SRPK1: variants seen among roughly 807,000 people sequenced by gnomAD.
The protein encoded by SRPK1 is SRSF protein kinase 1.
Under a neutral mutation model 89.5 loss-of-function variants are expected in SRPK1, and 52 were observed. The observed-to-expected ratio is 0.58, with a 90% CI of 0.46 to 0.73. SRPK1 has a LOEUF of 0.73. Among genes scored for constraint, SRPK1 ranks in the 30% least tolerant of loss-of-function variants. The pLI, the probability that SRPK1 is intolerant of heterozygous loss-of-function variation, is 0.00. For missense variants in SRPK1, 603 were observed against 780.6 expected (o/e 0.77, Z 2.71); for synonymous variants, 255 against 270.2 (o/e 0.94, Z 0.55).
At chr6:35,906,814 C>A (rs1474381928) in intron 2 of SRPK1, among the ~76,000 whole-genome samples, 1 of 152,002 alleles carries the variant, frequency 6.6e-6, no homozygotes, top group East Asian at 1.9e-4. Context: ...TTTAATTATA[C>A]CTCCATAAAA....
At chr6:35,852,082 T>C (rs1184010302) in intron 13 of SRPK1, among the ~76,000 whole-genome samples, 1 of 152,212 alleles carries the variant, frequency 6.6e-6, no homozygotes, top group African/African-American at 2.4e-5. Context: ...AATTGTGTGC[T>C]ATTCAATGGG....
chr6:35,896,153 G>T (rs1346402458), intron 2 of SRPK1, among the ~76,000 whole-genome samples: 1 of 152,168 alleles, frequency 6.6e-6, no homozygotes, highest in Non-Finnish European at 1.5e-5. Context: ...AAAACAACCT[G>T]GGCTTGCAAC....
intron 13 of SRPK1, among the ~76,000 whole-genome samples, chr6:35,856,107 A>G (rs1769660724): frequency 6.6e-6 from 1 of 152,230 alleles, no homozygotes; most frequent in Admixed American, 6.5e-5. Context: ...CCAACTTCCC[A>G]ACCTCCAGGG....
Position 35,835,339 on chromosome 6 carries a change from C to A in SRPK1, c.1933G>T (p.Ala645Ser). The A allele has an allele frequency of 6.2e-7, 1 of 1,613,640 alleles. No individual in the cohort carries two copies. Among genetic ancestry groups the A allele is most frequent in the Non-Finnish European group, 8.5e-7 (1 of 1,179,772 alleles). The change falls in exon 16 of 16, where the codon GCC becomes TCC. Residue 645 changes from alanine (A) to serine (S), a missense_variant. By Grantham distance (99) the Ala-to-Ser change is moderately conservative. Transcript: ENST00000373825. ...ELIPEKRATA[A>S]ECLRHPWLNS is the part of the protein sequence containing the mutation. Reference sequence around the variant, plus strand: ...AGCCAAGGGTGCCGGAGACACTCGGCGGCAGTGGCTCTCTTCTCAGGGATC... The same window carrying A: ...AGCCAAGGGTGCCGGAGACACTCGGAGGCAGTGGCTCTCTTCTCAGGGATC...
intron 13 of SRPK1, among the ~76,000 whole-genome samples, chr6:35,853,435 TA>T (rs1769598668): frequency 6.6e-6 from 1 of 152,224 alleles, no homozygotes; most frequent in African/African-American, 2.4e-5. Context: ...TATGCCATTT[TA>T]TGTAAAGTAC....
At chr6:35,864,421 A>T (rs1028770918) in intron 12 of SRPK1, among the ~76,000 whole-genome samples, 1 of 152,216 alleles carries the variant, frequency 6.6e-6, no homozygotes, top group Admixed American at 6.5e-5. Flanking sequence ...AAGAAGACAT[A>T]CAAATGGCAA....
chr6:35,900,608 T>G (rs1042211091), intron 2 of SRPK1, among the ~76,000 whole-genome samples: 1 of 152,180 alleles, frequency 6.6e-6, no homozygotes, highest in African/African-American at 2.4e-5. Context: ...TCTCAGTCTC[T>G]CCAGGAGATA....
chr6:35,910,188 G>A (rs780598645), intron 2 of SRPK1, among the ~76,000 whole-genome samples: 14 of 152,132 alleles, frequency 9.2e-5, no homozygotes, highest in Non-Finnish European at 1.8e-4. Context: ...TCACCATGTT[G>A]GTCAGGCTGG....
intron 2 of SRPK1, among the ~76,000 whole-genome samples, chr6:35,893,435 T>C (rs1170159530): frequency 6.6e-6 from 1 of 151,620 alleles, no homozygotes; most frequent in Non-Finnish European, 1.5e-5. Context: ...CAGTGAGTCA[T>C]GACTGTGCCA....
chr6:35,841,339 T>C (rs1462388525), intron 14 of SRPK1, among the ~76,000 whole-genome samples: 1 of 152,202 alleles, frequency 6.6e-6, no homozygotes, highest in Non-Finnish European at 1.5e-5. Flanking sequence ...ACATTACCTA[T>C]TAATATCCCA....
At chr6:35,839,025 C>T (rs921249066) in intron 14 of SRPK1, among the ~76,000 whole-genome samples, 2 of 152,210 alleles carry the variant, frequency 1.3e-5, no homozygotes, top group Non-Finnish European at 2.9e-5. Context: ...ATCTTTAGTT[C>T]TATTTTGTCT....
At chr6:35,898,387 G>T (rs1171602614) in intron 2 of SRPK1, among the ~76,000 whole-genome samples, 1 of 152,086 alleles carries the variant, frequency 6.6e-6, no homozygotes, top group African/African-American at 2.4e-5. Context: ...GGAGAAGATT[G>T]GGGGGTTAGG....
At chr6:35,835,533 A>C in intron 15 of SRPK1, 45 bp from the exon 16 acceptor site, 1 of 1,541,152 alleles carries the variant, frequency 6.5e-7, no homozygotes, top group South Asian at 1.2e-5. Flanking sequence ...CAACACAGAC[A>C]AATGACAAGG....
intron 6 of SRPK1, among the ~76,000 whole-genome samples, chr6:35,884,557 C>G (rs1770363878): frequency 6.6e-6 from 1 of 152,082 alleles, no homozygotes; most frequent in Non-Finnish European, 1.5e-5. Context: ...CTTTCAATCT[C>G]TAACAGTAGT....
intron 13 of SRPK1, among the ~76,000 whole-genome samples, chr6:35,845,787 C>T (rs758744294): frequency 5.3e-5 from 8 of 152,164 alleles, no homozygotes; most frequent in Admixed American, 1.3e-4. Context: ...ATGGCTGTCT[C>T]AAAGTGAGGA....
chr6:35,870,317 CTT>C lies in SRPK1; in HGVS notation c.953_954del (p.Lys318ArgfsTer5). On this transcript the variant is annotated frameshift_variant, in exon 10 of 16. Coordinates refer to ENST00000373825, the MANE Select transcript of SRPK1 (RefSeq NM_003137.5). LOFTEE classifies it high-confidence loss of function. ...ESESPVERPL[K>X]ENPPNKMTQE... ...TGGGTCATTTTATTAGGTGGGTTCT[CTT>C]TCAAGGGTCTTTCAACAGGACTCTC... 6.2e-7 allele frequency: 1 copy of C among 1,613,650 alleles called. No individual in the cohort carries two copies. The highest frequency in any genetic ancestry group is 8.5e-7 in the Non-Finnish European group (1 of 1,179,766).
intron 1 of SRPK1, 36 bp from the exon 2 acceptor site, chr6:35,920,564 G>C: frequency 6.2e-7 from 1 of 1,605,030 alleles, no homozygotes; most frequent in Non-Finnish European, 8.5e-7. Flanking sequence ...GGCGAATGTG[G>C]AGGAAAGGAG....
At chr6:35,916,012 ACACACAC>A (rs2127271293) in intron 2 of SRPK1, among the ~76,000 whole-genome samples, 1 of 86,318 alleles carries the variant, frequency 1.2e-5, no homozygotes, top group African/African-American at 3.3e-5. Flanking sequence ...ACACACACAC[ACACACAC>A]ACACACACAC....
chr6:35,860,440 TAG>T (rs1252053296), intron 12 of SRPK1, among the ~76,000 whole-genome samples: 1 of 152,134 alleles, frequency 6.6e-6, no homozygotes, highest in African/African-American at 2.4e-5. Flanking sequence ...GTGTGCCACA[TAG>T]GTAAGAAAAC....
Sources: gnomAD v4.1 joint callset for allele counts (sites outside exome capture counted in the v4.1 genomes callset) on GRCh38, gnomAD v4.1.1 for gene constraint, MANE v1.5 for transcripts, NCBI Gene and HGNC (gene_info 2026-07-23, HGNC 2026-07-21) for gene names.